Variants in OTOA observed in about 807,000 individuals in gnomAD.
The protein encoded by OTOA is cancer/testis antigen 108.
In OTOA, 70 loss-of-function variants were observed where a neutral mutation model predicts 110.8. The ratio of observed to expected loss-of-function variants is 0.63; its 90% CI spans 0.52 to 0.77. OTOA has a LOEUF of 0.77. OTOA is among the 30% of genes least tolerant of loss of function. OTOA has a pLI of 0.00. For missense variants in OTOA, 917 were observed against 1,075.8 expected (o/e 0.85, Z 2.06); for synonymous variants, 373 against 431.5 (o/e 0.86, Z 1.68).
Position 21,715,864 on chromosome 16 carries a change from G to A in OTOA, c.1488+712G>A, listed in dbSNP as rs191650321. The stretch of plus-strand genomic sequence containing the variant: ...AAAAATAAACCCAAAGTCCTAGGGT[G>A]CATCTGAAAGCCCTTTTCATGGTCC... On this transcript the variant is annotated intron_variant, in intron 14 of 28. Coordinates refer to ENST00000646100, the MANE Select transcript of OTOA (RefSeq NM_144672.4). Among the ~76,000 whole-genome samples, 3 of 151,718 alleles carry A rather than the reference G, an allele frequency of 2.0e-5. No individual in the cohort carries two copies. In the East Asian group the frequency reaches 5.9e-4, roughly 30 times the overall value.
At chr16:21,665,417 C>T (rs913685019) in intron 1 of OTOA, among the ~76,000 whole-genome samples, 6 of 152,122 alleles carry the variant, frequency 3.9e-5, no homozygotes, top group African/African-American at 9.7e-5. Context: ...GTTAGAGAGG[C>T]GTGTACTTAG....
At chr16:21,689,160 C>T (rs1897779847) in intron 8 of OTOA, among the ~76,000 whole-genome samples, 1 of 151,954 alleles carries the variant, frequency 6.6e-6, no homozygotes, top group African/African-American at 2.4e-5. Context: ...AATCGTAGTG[C>T]TTTATGGCCA....
chr16:21,690,962 C>T (rs1483733025), intron 8 of OTOA, among the ~76,000 whole-genome samples: 1 of 140,942 alleles, frequency 7.1e-6, no homozygotes, highest in Non-Finnish European at 1.5e-5. Flanking sequence ...CTATCCCCAC[C>T]CCCTCCCCCC....
chr16:21,672,157 CAT>C (rs1376555510), intron 1 of OTOA, among the ~76,000 whole-genome samples: 1 of 152,042 alleles, frequency 6.6e-6, no homozygotes, highest in Non-Finnish European at 1.5e-5. Context: ...GAAATGGAAT[CAT>C]ATGTTATGTG....
intron 18 of OTOA, among the ~76,000 whole-genome samples, chr16:21,723,476 T>C (rs1273796137): frequency 1.3e-5 from 2 of 152,230 alleles, no homozygotes; most frequent in Non-Finnish European, 2.9e-5. Context: ...GAGTACTTGC[T>C]GTGTGCTAGT....
chr16:21,732,483 C>A (rs1408552248), intron 21 of OTOA, among the ~76,000 whole-genome samples: 1 of 152,008 alleles, frequency 6.6e-6, no homozygotes, highest in Non-Finnish European at 1.5e-5. Flanking sequence ...TATCCCTTGG[C>A]CCCTCCCACT....
chr16:21,681,191 G>A (rs1966886985), intron 5 of OTOA, among the ~76,000 whole-genome samples: 1 of 152,158 alleles, frequency 6.6e-6, no homozygotes, highest in African/African-American at 2.4e-5. Context: ...ACGGGAATTA[G>A]AATATTGCAT....
intron 6 of OTOA, among the ~76,000 whole-genome samples, chr16:21,684,968 T>C (rs113278726): frequency 6.6e-6 from 1 of 152,134 alleles, no homozygotes; most frequent in African/African-American, 2.4e-5. Context: ...GCCAGGATGG[T>C]CTTGATCTCT....
rs757845701 is a variant in OTOA, at chr16:21,679,054, A to G, written c.139A>G (p.Ser47Gly). 12 of 1,614,046 alleles carry G rather than the reference A, an allele frequency of 7.4e-6. No homozygotes were observed. The highest frequency in any genetic ancestry group is 1.0e-5 in the Non-Finnish European group (12 of 1,179,990). ...QNMAEEIIDG[S>G]YLNALLDLIQ... ...CTTTTAGGAAGAAATAATAGATGGA[A>G]GCTATCTGAATGGTAATGTGCCCCC... The change falls in exon 4 of 29, where the codon AGC becomes GGC. Residue 47 changes from serine to glycine, a missense_variant. Around this residue, in one of 6 missense-constraint regions of OTOA, gnomAD observed 840 missense variants for 910.2 expected, o/e 0.92. Transcript: ENST00000646100.
intron 12 of OTOA, among the ~76,000 whole-genome samples, chr16:21,709,342 G>T (rs920517056): frequency 1.3e-5 from 2 of 152,026 alleles, no homozygotes; most frequent in African/African-American, 4.8e-5. Context: ...CAGGAGAATC[G>T]CTTGAACCCG....
chr16:21,707,617 C>CTTTCTTTCTTTCTTTCTTTCT (rs1416950184), intron 12 of OTOA, among the ~76,000 whole-genome samples: 1 of 89,960 alleles, frequency 1.1e-5, no homozygotes, highest in African/African-American at 3.3e-5. Context: ...TTCTTTCTTT[C>CTTTCTTTCTTTCTTTCTTTCT]TTTCTTTCTT....
Position 21,707,779 on chromosome 16 carries a change from C to T in OTOA, c.1105-2109C>T, listed in dbSNP as rs1199345640. Among the ~76,000 whole-genome samples the T allele has an allele frequency of 7.8e-5, 10 of 128,246 alleles. No homozygotes were observed. In the East Asian group the frequency reaches 2.3e-3, roughly 30 times the overall value. The allele number at this position is 128,246 out of a possible 152,430, so 84.1% of individuals were successfully genotyped here. ...TCCCTCCCTCCCTCCCCCTCCCCCC[C>T]CCATCCCTTTCCCCTTCCCCTCTCC... On this transcript the variant is annotated intron_variant, in intron 12 of 28. Transcript: ENST00000646100.
intron 7 of OTOA, among the ~76,000 whole-genome samples, chr16:21,686,862 C>T (rs1211990532): frequency 3.3e-5 from 5 of 152,028 alleles, no homozygotes; most frequent in East Asian, 1.9e-4. Flanking sequence ...CACTGCACTG[C>T]GGACTGGGTG....
chr16:21,695,887 A>ATTTTT lies in OTOA; in HGVS notation c.740-1887_740-1886insTTTTT, dbSNP rs1205590889. Among the ~76,000 whole-genome samples the ATTTTT allele has an allele frequency of 1.4e-3, 87 of 61,606 alleles. 3 individuals carry two copies. Among genetic ancestry groups the ATTTTT allele is most frequent in the African/African-American group, 4.8e-3 (58 of 12,008 alleles). The allele number at this position is 61,606 out of a possible 152,430, so 40.4% of individuals were successfully genotyped here. A position where few individuals can be genotyped will look rare whatever the true frequency, so the allele number is the denominator to read the frequency against. ...TTGAGATATATATATATATATATAT[A>ATTTTT]TATATTTTTTTTTTTTTTTTTTTCT... On this transcript the variant is annotated intron_variant, in intron 9 of 28. Coordinates refer to ENST00000646100, the MANE Select transcript of OTOA (RefSeq NM_144672.4).
chr16:21,665,677 C>T (rs1286360498), intron 1 of OTOA, among the ~76,000 whole-genome samples: 1 of 152,010 alleles, frequency 6.6e-6, no homozygotes, highest in Non-Finnish European at 1.5e-5. Context: ...TCCTTCTTTT[C>T]CTCATTGAAT....
intron 5 of OTOA, among the ~76,000 whole-genome samples, chr16:21,681,080 TA>T (rs1966886027): frequency 6.6e-6 from 1 of 150,856 alleles, no homozygotes; most frequent in African/African-American, 2.4e-5. Flanking sequence ...CACTCCTAAC[TA>T]TGCTATTCCA....
At chr16:21,714,058 A>C (rs1898439361) in intron 13 of OTOA, among the ~76,000 whole-genome samples, 2 of 152,142 alleles carry the variant, frequency 1.3e-5, no homozygotes, top group Admixed American at 1.3e-4. Context: ...ACAGCATGAG[A>C]TCACCCATTA....
intron 12 of OTOA, among the ~76,000 whole-genome samples, chr16:21,708,669 C>T (rs1194131229): frequency 6.6e-6 from 1 of 152,162 alleles, no homozygotes; most frequent in African/African-American, 2.4e-5. Flanking sequence ...AACCCAGGCG[C>T]TTTGACAGTT....
chr16:21,678,420 A>ATG, intron 1 of OTOA, 91 bp from the exon 2 acceptor site: 1 of 782,154 alleles, frequency 1.3e-6, no homozygotes, highest in Admixed American at 2.6e-5. Flanking sequence ...ATATATATAT[A>ATG]TGTTTATATA....
Sources: allele counts gnomAD v4.1 joint callset (sites outside exome capture counted in the v4.1 genomes callset), GRCh38; gene constraint gnomAD v4.1.1; regional missense constraint gnomAD v4.1.1; transcripts MANE v1.5; gene names NCBI Gene and HGNC (gene_info 2026-07-23, HGNC 2026-07-21).